Variants in CCDC85C observed in about 807,000 individuals in gnomAD.
CCDC85C encodes coiled-coil domain containing 85C.
Under a neutral mutation model 38.3 loss-of-function variants are expected in CCDC85C, and 18 were observed. The observed-to-expected ratio is 0.47, with a 90% confidence interval of 0.33 to 0.70. The LOEUF (loss-of-function observed/expected upper bound fraction) is 0.70, where lower values mean the gene tolerates loss of function less well. CCDC85C is among the 30% of genes least tolerant of loss of function. The pLI is 0.03. For synonymous variants in CCDC85C, 264 were observed against 293.8 expected (o/e 0.90, Z 1.04); for missense variants, 566 against 621.2 (o/e 0.91, Z 0.94).
Position 99,603,919 on chromosome 14 carries a change from T to A in CCDC85C, c.41A>T (p.Glu14Val), listed in dbSNP as rs750511462. ...CTCCTCGTCCGGCACCTGGCTCAGC[T>A]CCTCCGACGCCGCCGCCGCCGTCGC... ...PAATAAAASE[E>V]LSQVPDEELL... The change falls in exon 1 of 6, where the codon GAG (glutamate) becomes GTG (valine). Residue 14 changes from glutamate to valine, a missense_variant. This residue lies in a region of CCDC85C where 269 missense variants were observed against 308.2 expected (regional missense o/e 0.87). Coordinates refer to ENST00000380243, the MANE Select transcript of CCDC85C (RefSeq NM_001144995.2). This position sits in a 1 kb window ranked among gnomAD's most constrained non-coding sequence, Gnocchi z 7.5. The A allele has an allele frequency of 3.5e-5, 51 of 1,437,260 alleles. 1 individual carries two copies. The South Asian group carries it at 6.1e-4, about 17-fold the overall frequency. The allele number at this position is 1,437,260 out of a possible 1,614,324, so 89.0% of individuals were successfully genotyped here.
At chr14:99,524,687 G>A (rs1897349967) in intron 2 of CCDC85C, among the ~76,000 whole-genome samples, 1 of 152,214 alleles carries the variant, frequency 6.6e-6, no homozygotes, top group Non-Finnish European at 1.5e-5. Context: ...CCTGCTATGA[G>A]ACAGGTCGCT....
chr14:99,555,989 G>C (rs1898003068), intron 1 of CCDC85C, among the ~76,000 whole-genome samples: 1 of 152,218 alleles, frequency 6.6e-6, no homozygotes, highest in African/African-American at 2.4e-5. Flanking sequence ...AGCCCGATCG[G>C]CTGATCTTCT....
intron 3 of CCDC85C, among the ~76,000 whole-genome samples, chr14:99,517,583 T>C (rs185294062): frequency 7.9e-5 from 12 of 152,284 alleles, no homozygotes; most frequent in Admixed American, 7.2e-4. Context: ...CCCTGGCACC[T>C]GACTCCAAAC....
At chr14:99,560,751 A>G (rs111462516) in intron 1 of CCDC85C, among the ~76,000 whole-genome samples, 24 of 152,306 alleles carry the variant, frequency 1.6e-4, no homozygotes, top group African/African-American at 5.3e-4. Flanking sequence ...CAGGTGAGAG[A>G]GTGGCCGCCT....
intron 1 of CCDC85C, among the ~76,000 whole-genome samples, chr14:99,557,683 G>A (rs971612213): frequency 2.0e-5 from 3 of 152,222 alleles, no homozygotes; most frequent in African/African-American, 4.8e-5. Context: ...GGGAGGCCGA[G>A]GTGGGTGGAT....
rs1260471150 is a variant in CCDC85C at position 99,513,625 on chromosome 14, CCCT to C, written c.*1618_*1620del. 1 of 152,290 alleles carries C rather than the reference CCCT, an allele frequency of 6.6e-6. No homozygotes were observed. Among genetic ancestry groups the C allele is most frequent in the Non-Finnish European group, 1.5e-5 (1 of 68,102 alleles). The allele number at this position is 152,290 out of a possible 1,614,324, so 9.4% of individuals were successfully genotyped here. A position where few individuals can be genotyped will look rare whatever the true frequency, so the allele number is the denominator to read the frequency against. On this transcript the variant is annotated 3_prime_UTR_variant, in exon 6 of 6. Coordinates refer to ENST00000380243, the MANE Select transcript of CCDC85C (RefSeq NM_001144995.2). ...AGGGAGAGGGACAGGGCGGCCATCTCCCTCCTCTTGCCTGCATCCCCAGCCCTG... is the reference window on the plus strand; with the variant it reads ...AGGGAGAGGGACAGGGCGGCCATCTCCCTCTTGCCTGCATCCCCAGCCCTG...
rs540567937 is a variant in CCDC85C, at chr14:99,586,438, C to T, written c.793+16729G>A. 3.2e-3 allele frequency among the ~76,000 whole-genome samples: 484 copies of T among 152,326 alleles called. 1 individual carries two copies. Among genetic ancestry groups the T allele is most frequent in the African/African-American group, 5.7e-3 (238 of 41,580 alleles). ...TCACCAAAACCTCCACCTCCCCAGG[C>T]GGGAAACGGAGGCACGTGGTGAGGG... On this transcript the variant is annotated intron_variant, in intron 1 of 5. Transcript: ENST00000380243.
chr14:99,557,651 A>C (rs12885772), intron 1 of CCDC85C, among the ~76,000 whole-genome samples: 46,671 of 152,148 alleles, frequency 0.31, 7,625 homozygotes, highest in East Asian at 0.54. Context: ...CACATGGCTC[A>C]CACATGTAAT....
intron 2 of CCDC85C, among the ~76,000 whole-genome samples, chr14:99,531,375 A>G (rs144983686): frequency 0.026 from 3,885 of 152,210 alleles, 168 homozygotes; most frequent in African/African-American, 0.088. Context: ...CCCCCAGCCC[A>G]GCCCGGCTGG....
chr14:99,516,353 C>T lies in CCDC85C; in HGVS notation c.1072-67G>A. The T allele has an allele frequency of 8.5e-7, 1 of 1,170,608 alleles. No homozygotes were observed. Among genetic ancestry groups the T allele is most frequent in the Non-Finnish European group, 1.2e-6 (1 of 804,194 alleles). The allele number at this position is 1,170,608 out of a possible 1,614,324, so 72.5% of individuals were successfully genotyped here. A position where few individuals can be genotyped will look rare whatever the true frequency, so the allele number is the denominator to read the frequency against. ...GCAGACCTCGGGCAAGTCACCTGGC[C>T]CCTGATCCTCAGCCTCCCCTGCTGC... On this transcript the variant is annotated intron_variant, in intron 4 of 5. Coordinates refer to ENST00000380243, the MANE Select transcript of CCDC85C (RefSeq NM_001144995.2). The surrounding 1 kb of genome is among the most constrained non-coding windows in gnomAD (Gnocchi z 5.5).
At chr14:99,550,051 T>A (rs1247451626) in intron 1 of CCDC85C, among the ~76,000 whole-genome samples, 1 of 152,160 alleles carries the variant, frequency 6.6e-6, no homozygotes, top group Non-Finnish European at 1.5e-5. Context: ...TTTCCCCAAA[T>A]GACAACACAA....
intron 1 of CCDC85C, among the ~76,000 whole-genome samples, chr14:99,564,930 G>A (rs533048786): frequency 2.6e-5 from 4 of 152,322 alleles, no homozygotes; most frequent in South Asian, 2.1e-4. Flanking sequence ...ACGTGCACTC[G>A]TCCATGGAAG....
rs2139882261 is a variant in CCDC85C at position 99,508,003 on chromosome 14, T to C, written c.*7243A>G. On this transcript the variant is annotated 3_prime_UTR_variant, in exon 6 of 6. Transcript: ENST00000380243. ...TGACCTGTGCTTGCTCTCCAAAAGGTGGTCGATACTCCGGAGGCTTCCAAG... is the reference window on the plus strand; with the variant it reads ...TGACCTGTGCTTGCTCTCCAAAAGGCGGTCGATACTCCGGAGGCTTCCAAG... The C allele has an allele frequency of 6.6e-6, 1 of 152,256 alleles. No homozygotes were observed. Among genetic ancestry groups the C allele is most frequent in the African/African-American group, 2.4e-5 (1 of 41,532 alleles). The allele number at this position is 152,256 out of a possible 1,614,324, so 9.4% of individuals were successfully genotyped here.
chr14:99,542,418 G>A (rs1489214943), intron 1 of CCDC85C, among the ~76,000 whole-genome samples: 1 of 152,160 alleles, frequency 6.6e-6, no homozygotes, highest in Non-Finnish European at 1.5e-5. Context: ...AGAAAAACCC[G>A]TCCATAACCA....
intron 2 of CCDC85C, among the ~76,000 whole-genome samples, chr14:99,532,959 T>A (rs1209147738): frequency 6.6e-6 from 1 of 152,048 alleles, no homozygotes; most frequent in Non-Finnish European, 1.5e-5. Context: ...TTTTTGTATT[T>A]TTAGTAGAGA....
intron 1 of CCDC85C, among the ~76,000 whole-genome samples, chr14:99,602,387 C>T (rs2055208855): frequency 6.6e-6 from 1 of 152,226 alleles, no homozygotes; most frequent in Admixed American, 6.5e-5. Flanking sequence ...GACCACGGCA[C>T]TTCCTGTAAG....
At position 99,545,004 on chromosome 14, in the gene CCDC85C, C is replaced by G. The variant is rs79083536; in HGVS notation, c.794-8916G>C. 6.6e-6 allele frequency among the ~76,000 whole-genome samples: 1 copy of G among 152,256 alleles called. No homozygotes were observed. The highest frequency in any genetic ancestry group is 2.1e-4 in the South Asian group (1 of 4,824). On this transcript the variant is annotated intron_variant, in intron 1 of 5. Transcript: ENST00000380243. The surrounding 1 kb of genome is among the most constrained non-coding windows in gnomAD (Gnocchi z 4.7). ...CCACAGCCGGATTAGAAATCAAACA[C>G]GCCGAGGACACCCTTCCCAGTGCCT...
chr14:99,521,990 T>C (rs1897309167), intron 3 of CCDC85C, 143 bp downstream of exon 3: 2 of 645,338 alleles, frequency 3.1e-6, no homozygotes, highest in South Asian at 3.8e-5. Context: ...ACTGCCACAC[T>C]GGATGGGACA....
chr14:99,570,720 G>T (rs541546443), intron 1 of CCDC85C, among the ~76,000 whole-genome samples: 1 of 152,136 alleles, frequency 6.6e-6, no homozygotes, highest in African/African-American at 2.4e-5. Flanking sequence ...TCACCTTCCC[G>T]GCCCCTGAGC....
Sources: allele counts gnomAD v4.1 joint callset (sites outside exome capture counted in the v4.1 genomes callset), GRCh38; gene constraint gnomAD v4.1.1; regional missense constraint gnomAD v4.1.1; non-coding constraint Gnocchi (gnomAD v3.1); transcripts MANE v1.5; gene names NCBI Gene and HGNC (gene_info 2026-07-23, HGNC 2026-07-21).